The following PIEZO2 variants were observed in gnomAD, a reference collection of about 807,000 sequenced individuals.
The protein encoded by PIEZO2 is piezo-type mechanosensitive ion channel component 2.
Under a neutral mutation model 337.3 loss-of-function variants are expected in PIEZO2, and 172 were observed. That is an observed-to-expected ratio of 0.51 (90% CI 0.45 to 0.58). PIEZO2 has a LOEUF of 0.58. PIEZO2 is among the 20% of genes least tolerant of loss of function. The probability of loss-of-function intolerance (pLI) is 0.00; values close to 1 mark genes in which losing one functional copy is unlikely to be tolerated. For synonymous variants in PIEZO2, 1,251 were observed against 1,228.5 expected (o/e 1.02, Z -0.38); for missense variants, 3,028 against 3,391.3 (o/e 0.89, Z 2.66).
At chr18:11,013,276 G>C (rs1384944151) in intron 2 of PIEZO2, among the ~76,000 whole-genome samples, 1 of 152,146 alleles carries the variant, frequency 6.6e-6, no homozygotes, top group East Asian at 1.9e-4. Context: ...GTGGCCTTGT[G>C]GAGAAGACTA....
chr18:10,956,270 A>G (rs2033515558), intron 3 of PIEZO2, among the ~76,000 whole-genome samples: 1 of 152,220 alleles, frequency 6.6e-6, no homozygotes, highest in Non-Finnish European at 1.5e-5. Flanking sequence ...AAATAAATTA[A>G]CAAAACAATT....
intron 4 of PIEZO2, chr18:10,908,928 C>G (rs1157625564): frequency 6.6e-6 from 1 of 152,136 alleles, no homozygotes; most frequent in Non-Finnish European, 1.5e-5. Context: ...TTTTTACCTG[C>G]CAGGTGATGA....
At chr18:11,020,487 T>C (rs2036271360) in intron 2 of PIEZO2, among the ~76,000 whole-genome samples, 1 of 152,322 alleles carries the variant, frequency 6.6e-6, no homozygotes, top group East Asian at 1.9e-4. Context: ...GTTGTTTTCC[T>C]GTCAATACCT....
Position 10,742,527 on chromosome 18 carries a change from C to G in PIEZO2, c.4603G>C (p.Asp1535His). Residue 1535 changes from aspartate to histidine, a missense_variant, in exon 32 of 56, where the codon GAC (aspartate) becomes CAC (histidine). This residue lies in a region of PIEZO2 where 1,925 missense variants were observed against 2,051.9 expected (regional missense o/e 0.94). Coordinates refer to ENST00000674853, the MANE Select transcript of PIEZO2 (RefSeq NM_001378183.1). ...SLTQEPGEGQ[D>H]MQKLSEEDDE... ...TCCTCTTCAGAGAGTTTTTGCATGTCCTGGCCTTCCCCTGGCTCCTGGGTC... is the reference window on the plus strand; with the variant it reads ...TCCTCTTCAGAGAGTTTTTGCATGTGCTGGCCTTCCCCTGGCTCCTGGGTC... The G allele has an allele frequency of 2.6e-6, 4 of 1,537,128 alleles. No homozygotes were observed. Among genetic ancestry groups the G allele is most frequent in the Non-Finnish European group, 3.5e-6 (4 of 1,146,890 alleles).
At chr18:10,941,808 A>T (rs1327048068) in intron 3 of PIEZO2, among the ~76,000 whole-genome samples, 1 of 152,242 alleles carries the variant, frequency 6.6e-6, no homozygotes. Context: ...GCAAAAGACC[A>T]AAATGACTGA....
At chr18:10,879,123 C>A (rs959044274) in intron 4 of PIEZO2, among the ~76,000 whole-genome samples, 9 of 152,262 alleles carry the variant, frequency 5.9e-5, no homozygotes, top group Middle Eastern at 6.8e-3. Context: ...GTTCTCTAAC[C>A]TAATCATAAG....
At chr18:10,991,354 A>G (rs552516627) in intron 2 of PIEZO2, among the ~76,000 whole-genome samples, 2 of 151,836 alleles carry the variant, frequency 1.3e-5, no homozygotes, top group East Asian at 1.9e-4. Context: ...TACATTAGGT[A>G]TTTCTCCTAA....
At chr18:10,880,877 A>T in intron 4 of PIEZO2, among the ~76,000 whole-genome samples, 1 of 91,204 alleles carries the variant, frequency 1.1e-5, no homozygotes, top group Middle Eastern at 5.8e-3. Context: ...ATATATATAT[A>T]TATATATATA....
chr18:11,010,268 C>T (rs1010740937), intron 2 of PIEZO2, among the ~76,000 whole-genome samples: 1 of 152,184 alleles, frequency 6.6e-6, no homozygotes, highest in Non-Finnish European at 1.5e-5. Flanking sequence ...GCCCTTAAAG[C>T]ATAATCACTC....
intron 36 of PIEZO2, among the ~76,000 whole-genome samples, chr18:10,730,058 C>A (rs775458218): frequency 4.6e-5 from 7 of 152,168 alleles, no homozygotes; most frequent in Non-Finnish European, 7.3e-5. Flanking sequence ...GATGAATGCT[C>A]TTAGACATGT....
Position 11,058,154 on chromosome 18 carries a change from C to T in PIEZO2, c.160+7973G>A, listed in dbSNP as rs180955139. Among the ~76,000 whole-genome samples the T allele has an allele frequency of 7.7e-4, 118 of 152,342 alleles. No individual in the cohort carries two copies. The East Asian group carries it at 0.018, about 24-fold the overall frequency. ...AACATTTGCTGCTCACCAGTATCCACTGTTCTGCAGCCTCCGCTGCTGTTA... is the reference window on the plus strand; with the variant it reads ...AACATTTGCTGCTCACCAGTATCCATTGTTCTGCAGCCTCCGCTGCTGTTA... On this transcript the variant is annotated intron_variant, in intron 2 of 55. Transcript: ENST00000674853.
intron 3 of PIEZO2, among the ~76,000 whole-genome samples, chr18:10,971,625 T>C (rs1367382723): frequency 6.6e-6 from 1 of 152,124 alleles, no homozygotes; most frequent in African/African-American, 2.4e-5. Flanking sequence ...TAAAGGCCAA[T>C]ATCATTTACC....
rs539404982 is a variant in PIEZO2, at chr18:10,824,423, A to G, written c.918-17149T>C. The stretch of plus-strand genomic sequence containing the variant: ...TTTAGATACAGACAAGTTATTGCAT[A>G]TATGCTTTCATGTTTATTTAAGGAT... On this transcript the variant is annotated intron_variant, in intron 7 of 55. Coordinates refer to ENST00000674853, the MANE Select transcript of PIEZO2 (RefSeq NM_001378183.1). This position sits in a 1 kb window ranked among gnomAD's most constrained non-coding sequence, Gnocchi z 4.4. Among the ~76,000 whole-genome samples the G allele has an allele frequency of 6.6e-6, 1 of 152,300 alleles. No individual in the cohort carries two copies. The highest frequency in any genetic ancestry group is 2.1e-4 in the South Asian group (1 of 4,826).
intron 43 of PIEZO2, 82 bp downstream of exon 43, chr18:10,701,907 T>G: frequency 7.9e-7 from 1 of 1,262,340 alleles, no homozygotes; most frequent in African/African-American, 1.5e-5. Flanking sequence ...AATCCTGATG[T>G]CCAGGTTATC....
chr18:11,009,009 T>C lies in PIEZO2; in HGVS notation c.161-29349A>G, dbSNP rs1334163135. 6.6e-6 allele frequency among the ~76,000 whole-genome samples: 1 copy of C among 152,244 alleles called. No individual in the cohort carries two copies. Among genetic ancestry groups the C allele is most frequent in the Non-Finnish European group, 1.5e-5 (1 of 68,038 alleles). ...TTTTTATACAATAAAAATGGCATTT[T>C]TACTGACTTCTCATATTATCCTTTG... On this transcript the variant is annotated intron_variant, in intron 2 of 55. Coordinates refer to ENST00000674853, the MANE Select transcript of PIEZO2 (RefSeq NM_001378183.1). The surrounding 1 kb of genome is among the most constrained non-coding windows in gnomAD (Gnocchi z 4.6).
chr18:11,084,556 T>A (rs2146001927), intron 1 of PIEZO2, among the ~76,000 whole-genome samples: 1 of 152,232 alleles, frequency 6.6e-6, no homozygotes, highest in South Asian at 2.1e-4. Flanking sequence ...CTTCCTCCTC[T>A]CTCATCCCTC....
intron 1 of PIEZO2, among the ~76,000 whole-genome samples, chr18:11,124,206 C>T (rs897544747): frequency 6.6e-6 from 1 of 152,172 alleles, no homozygotes; most frequent in Admixed American, 6.5e-5. Flanking sequence ...GGCTAACCTG[C>T]AGTTGAAAAT....
At chr18:10,947,644 G>A (rs2145291924) in intron 3 of PIEZO2, among the ~76,000 whole-genome samples, 1 of 151,724 alleles carries the variant, frequency 6.6e-6, no homozygotes, top group African/African-American at 2.4e-5. Flanking sequence ...GAATGAAACT[G>A]TGGGGGTACA....
chr18:11,008,594 G>T (rs2035796626), intron 2 of PIEZO2, among the ~76,000 whole-genome samples: 1 of 152,178 alleles, frequency 6.6e-6, no homozygotes, highest in South Asian at 2.1e-4. Context: ...CTGGGTAACT[G>T]ATGTCTCTGG....
Sources: gnomAD v4.1 joint callset for allele counts (sites outside exome capture counted in the v4.1 genomes callset) on GRCh38, gnomAD v4.1.1 for gene constraint, gnomAD v4.1.1 regional missense constraint, Gnocchi (gnomAD v3.1) non-coding constraint, MANE v1.5 for transcripts, NCBI Gene and HGNC (gene_info 2026-07-23, HGNC 2026-07-21) for gene names.